Variants in TUSC3 observed in about 807,000 individuals in gnomAD.
The protein encoded by TUSC3 is tumor suppressor candidate 3, also known as dolichyl-diphosphooligosaccharide--protein glycosyltransferase subunit TUSC3.
TUSC3 carries 45 observed loss-of-function variants against 44.8 expected under a neutral mutation model. That is an observed-to-expected ratio of 1.00 (90% CI 0.79 to 1.29). The LOEUF is 1.29. Among genes scored for constraint, TUSC3 ranks in the 50% most tolerant of loss-of-function variants. The pLI, the probability that TUSC3 is intolerant of heterozygous loss-of-function variation, is 0.00. For missense variants in TUSC3, 519 were observed against 437.9 expected (o/e 1.19, Z -1.65); for synonymous variants, 212 against 152.9 (o/e 1.39, Z -2.85).
intron 2 of TUSC3, among the ~76,000 whole-genome samples, chr8:15,494,840 C>T (rs1268831493): frequency 6.6e-6 from 1 of 152,084 alleles, no homozygotes; most frequent in African/African-American, 2.4e-5. Flanking sequence ...ACTGCAAGCT[C>T]TTTCTGTTTC....
rs76805909 is a variant in TUSC3 at position 15,700,032 on chromosome 8, A to G, written c.798+26196A>G. ...TATTATCTACATTTGAATAGAATCT[A>G]TTATTATAGAGATTAAATACCCTGT... On this transcript the variant is annotated intron_variant, in intron 6 of 10. Transcript: ENST00000503731. Among the ~76,000 whole-genome samples the G allele has an allele frequency of 2.5e-3, 376 of 152,266 alleles. 1 individual carries two copies. Among genetic ancestry groups the G allele is most frequent in the African/African-American group, 8.6e-3 (359 of 41,552 alleles).
intron 2 of TUSC3, among the ~76,000 whole-genome samples, chr8:15,509,794 G>A (rs938976802): frequency 3.3e-5 from 5 of 152,266 alleles, no homozygotes; most frequent in African/African-American, 1.2e-4. Context: ...ACAATAATCT[G>A]TAAGTGAGAT....
intron 1 of TUSC3, among the ~76,000 whole-genome samples, chr8:15,478,475 T>C (rs1041032058): frequency 2.0e-5 from 3 of 152,142 alleles, no homozygotes; most frequent in Non-Finnish European, 2.9e-5. Context: ...CGCCTCTGTG[T>C]GTTCATGTGT....
At chr8:15,432,130 G>A (rs973733960) in intron 1 of TUSC3, among the ~76,000 whole-genome samples, 14 of 151,924 alleles carry the variant, frequency 9.2e-5, no homozygotes, top group Non-Finnish European at 1.9e-4. Flanking sequence ...CTCATAAAAT[G>A]AGTATGGAAG....
At chr8:15,817,519 A>C in the TUSC3 span, among the ~76,000 whole-genome samples, 3 of 152,172 alleles carry the variant, frequency 2.0e-5, no homozygotes, top group African/African-American at 7.2e-5. Flanking sequence ...GAGGTAATTG[A>C]ATCATGGGGG....
chr8:15,775,653 C>T, the TUSC3 span, among the ~76,000 whole-genome samples: 1 of 93,118 alleles, frequency 1.1e-5, no homozygotes, highest in Non-Finnish European at 2.3e-5. Context: ...TATATATACA[C>T]ACACATATAC....
chr8:15,538,294 G>T (rs932210158), upstream of TUSC3, among the ~76,000 whole-genome samples: 2 of 152,176 alleles, frequency 1.3e-5, no homozygotes, highest in South Asian at 2.1e-4. Context: ...AACACTTCTG[G>T]TTCAGAGTGC....
At chr8:15,507,648 A>C (rs1801075165) in intron 2 of TUSC3, among the ~76,000 whole-genome samples, 1 of 152,180 alleles carries the variant, frequency 6.6e-6, no homozygotes, top group Admixed American at 6.5e-5. Flanking sequence ...TCCCATATAC[A>C]AAATATGTTA....
chr8:15,614,125 C>A (rs1282069365), intron 1 of TUSC3, among the ~76,000 whole-genome samples: 1 of 151,272 alleles, frequency 6.6e-6, no homozygotes, highest in Admixed American at 6.6e-5. Flanking sequence ...TTATTTAGTA[C>A]CAAAATTGTG....
chr8:15,775,259 A>T, the TUSC3 span, among the ~76,000 whole-genome samples: 2 of 151,668 alleles, frequency 1.3e-5, no homozygotes, highest in South Asian at 4.2e-4. Flanking sequence ...GAACAGAAAA[A>T]CTCCTACACA....
At chr8:15,445,978 C>G (rs1027399402) in intron 1 of TUSC3, among the ~76,000 whole-genome samples, 22 of 150,966 alleles carry the variant, frequency 1.5e-4, no homozygotes, top group African/African-American at 5.4e-4. Context: ...GATGGGGCAG[C>G]TGCCCGGCGG....
At chr8:15,465,684 C>A (rs1472422996) in intron 1 of TUSC3, among the ~76,000 whole-genome samples, 2 of 152,162 alleles carry the variant, frequency 1.3e-5, no homozygotes, top group African/African-American at 2.4e-5. Flanking sequence ...TCTGCAAACA[C>A]CTTTCATCAA....
chr8:15,652,078 A>C (rs556839504), intron 3 of TUSC3, among the ~76,000 whole-genome samples: 1 of 152,310 alleles, frequency 6.6e-6, no homozygotes, highest in Admixed American at 6.5e-5. Context: ...CCCTAGCCTT[A>C]ATCATGCTGT....
chr8:15,487,225 A>T (rs542767723), intron 2 of TUSC3, among the ~76,000 whole-genome samples: 16 of 151,864 alleles, frequency 1.1e-4, no homozygotes, highest in African/African-American at 3.9e-4. Context: ...ACTACTTTGA[A>T]TTTTTTCTCT....
the TUSC3 span, among the ~76,000 whole-genome samples, chr8:15,811,705 G>C: frequency 1.3e-5 from 2 of 152,190 alleles, no homozygotes; most frequent in Non-Finnish European, 2.9e-5. Context: ...TGAAGGAAGT[G>C]AATAGGTGGC....
At chr8:15,695,992 G>T (rs184592548) in intron 6 of TUSC3, among the ~76,000 whole-genome samples, 1 of 152,286 alleles carries the variant, frequency 6.6e-6, no homozygotes, top group East Asian at 1.9e-4. Context: ...AGCCTGACAA[G>T]GAGATAGAAG....
chr8:15,573,196 CTCTCTCTATATATATA>C (rs1210225931), intron 1 of TUSC3, among the ~76,000 whole-genome samples: 18 of 104,240 alleles, frequency 1.7e-4, no homozygotes, highest in African/African-American at 6.2e-4. Flanking sequence ...CTCTCTCTCT[CTCTCTCTATATATATA>C]TATATATATA....
At chr8:15,720,201 T>TATATAC (rs369753796) in intron 6 of TUSC3, among the ~76,000 whole-genome samples, 41 of 141,702 alleles carry the variant, frequency 2.9e-4, no homozygotes, top group African/African-American at 9.7e-4. Context: ...TATATATATA[T>TATATAC]ACACACACAC....
intron 1 of TUSC3, among the ~76,000 whole-genome samples, chr8:15,430,661 T>A (rs904614082): frequency 1.3e-5 from 2 of 151,498 alleles, no homozygotes; most frequent in Non-Finnish European, 2.9e-5. Flanking sequence ...ATAAAGGGCA[T>A]TCAATTAGGA....
Sources: gnomAD v4.1 joint callset for allele counts (sites outside exome capture counted in the v4.1 genomes callset) on GRCh38, gnomAD v4.1.1 for gene constraint, MANE v1.5 for transcripts, NCBI Gene and HGNC (gene_info 2026-07-23, HGNC 2026-07-21) for gene names.